Variants in SPMIP3 observed in about 807,000 individuals in gnomAD.
SPMIP3 encodes sperm microtubule inner protein 3.
At chr1:244,361,641 C>T in the SPMIP3 span, among the ~76,000 whole-genome samples, 1 of 152,180 alleles carries the variant, frequency 6.6e-6, no homozygotes, top group African/African-American at 2.4e-5. Flanking sequence ...GATCATTACT[C>T]ATTGTATGCT....
chr1:244,373,332 T>TTATATATATATATATATA, the SPMIP3 span, among the ~76,000 whole-genome samples: 68 of 85,192 alleles, frequency 8.0e-4, 4 homozygotes, highest in African/African-American at 1.5e-3. Flanking sequence ...CAAAAAAAAA[T>TTATATATATATATATATA]TATATATATA....
At chr1:244,370,214 C>A in the SPMIP3 span, among the ~76,000 whole-genome samples, 2 of 152,172 alleles carry the variant, frequency 1.3e-5, no homozygotes, top group Non-Finnish European at 2.9e-5. Flanking sequence ...TACTCTCATG[C>A]AATCATTAAA....
the SPMIP3 span, among the ~76,000 whole-genome samples, chr1:244,372,661 T>C: frequency 6.6e-6 from 1 of 152,136 alleles, no homozygotes; most frequent in East Asian, 1.9e-4. Flanking sequence ...GCCAGGATGG[T>C]CTCGAACTCC....
the SPMIP3 span, among the ~76,000 whole-genome samples, chr1:244,383,045 A>T: frequency 6.6e-6 from 1 of 152,082 alleles, no homozygotes; most frequent in Non-Finnish European, 1.5e-5. Context: ...GATTCCAGCG[A>T]TATTTTGGGG....
chr1:244,356,826 G>C, the SPMIP3 span, among the ~76,000 whole-genome samples: 1 of 151,390 alleles, frequency 6.6e-6, no homozygotes, highest in Non-Finnish European at 1.5e-5. Context: ...TTTGTCAAAT[G>C]TTTACCATGT....
chr1:244,378,617 T>C, the SPMIP3 span: 6 of 1,613,592 alleles, frequency 3.7e-6, no homozygotes, highest in South Asian at 5.5e-5. Flanking sequence ...GACGAGACTA[T>C]TCTCTGCCAT....
the SPMIP3 span, chr1:244,352,761 G>C: frequency 6.6e-6 from 1 of 152,322 alleles, no homozygotes; most frequent in South Asian, 2.1e-4. Context: ...GTTACTGCCT[G>C]TACCTCTCTC....
the SPMIP3 span, among the ~76,000 whole-genome samples, chr1:244,357,929 A>C: frequency 6.6e-6 from 1 of 152,026 alleles, no homozygotes; most frequent in Non-Finnish European, 1.5e-5. Context: ...AAGAAAAAAG[A>C]AGTATTTAAT....
the SPMIP3 span, among the ~76,000 whole-genome samples, chr1:244,372,520 T>C: frequency 6.6e-6 from 1 of 151,582 alleles, no homozygotes; most frequent in Non-Finnish European, 1.5e-5. Context: ...CTCAGCTCAC[T>C]GCAAGCCCCA....
chr1:244,381,401 GACAA>G, the SPMIP3 span, among the ~76,000 whole-genome samples: 12 of 152,300 alleles, frequency 7.9e-5, no homozygotes, highest in East Asian at 3.9e-4. Flanking sequence ...CTCATAGACA[GACAA>G]ACAGACACAA....
the SPMIP3 span, among the ~76,000 whole-genome samples, chr1:244,357,816 G>A: frequency 2.6e-5 from 4 of 152,112 alleles, no homozygotes; most frequent in Non-Finnish European, 4.4e-5. Flanking sequence ...AGAGGCTCAG[G>A]CCTGTAATCC....
the SPMIP3 span, among the ~76,000 whole-genome samples, chr1:244,384,742 T>C: frequency 6.6e-6 from 1 of 152,082 alleles, no homozygotes; most frequent in African/African-American, 2.4e-5. Context: ...ATTTGAGAGA[T>C]GCTTAGGTGG....
the SPMIP3 span, among the ~76,000 whole-genome samples, chr1:244,382,514 C>T: frequency 3.3e-5 from 5 of 151,096 alleles, no homozygotes; most frequent in South Asian, 2.1e-4. Context: ...TTTTATTCTA[C>T]GAGCAATGGT....
At chr1:244,372,437 ACT>A in the SPMIP3 span, among the ~76,000 whole-genome samples, 1 of 144,532 alleles carries the variant, frequency 6.9e-6, no homozygotes, top group African/African-American at 2.5e-5. Flanking sequence ...CTTTCTACTG[ACT>A]CTGAATTTTT....
chr1:244,355,470 C>A, the SPMIP3 span, among the ~76,000 whole-genome samples: 1 of 150,266 alleles, frequency 6.7e-6, no homozygotes, highest in South Asian at 2.1e-4. Context: ...TCACTGCAAC[C>A]TCTGCCTCCC....
At chr1:244,372,667 A>T in the SPMIP3 span, among the ~76,000 whole-genome samples, 8,272 of 151,424 alleles carry the variant, frequency 0.055, 529 homozygotes, top group African/African-American at 0.15. Context: ...ATGGTCTCGA[A>T]CTCCTGACCT....
At chr1:244,388,371 TC>T in the SPMIP3 span, among the ~76,000 whole-genome samples, 12 of 148,176 alleles carry the variant, frequency 8.1e-5, no homozygotes, top group Admixed American at 3.4e-4. Flanking sequence ...AGCCTTTGAG[TC>T]CCCCCATCCT....
chr1:244,377,259 C>A, the SPMIP3 span, among the ~76,000 whole-genome samples: 1 of 151,952 alleles, frequency 6.6e-6, no homozygotes, highest in African/African-American at 2.4e-5. Flanking sequence ...GTAGCTGGGA[C>A]TACAGGCACC....
the SPMIP3 span, among the ~76,000 whole-genome samples, chr1:244,364,112 T>G: frequency 8.8e-5 from 11 of 125,056 alleles, no homozygotes; most frequent in East Asian, 1.2e-3. Context: ...TTTTGCTTTT[T>G]CTTTTTTTTT....
Sources: allele counts gnomAD v4.1 joint callset (sites outside exome capture counted in the v4.1 genomes callset), GRCh38; gene constraint gnomAD v4.1.1; transcripts MANE v1.5; gene names NCBI Gene and HGNC (gene_info 2026-07-23, HGNC 2026-07-21).